The following KPNA1 variants were observed in gnomAD, a reference collection of about 807,000 sequenced individuals.
KPNA1 encodes the protein importin subunit alpha-5.
KPNA1 carries 10 observed loss-of-function variants against 70.5 expected under a neutral mutation model. That is an observed-to-expected ratio of 0.14 (90% CI 0.09 to 0.24). The LOEUF is 0.24. KPNA1 is among the 10% of genes least tolerant of loss of function. KPNA1 has a pLI of 1.00. For missense variants in KPNA1, 397 were observed against 637.9 expected, an observed-to-expected ratio of 0.62 and a Z score of 4.07; for synonymous variants, 192 against 221.9, an observed-to-expected ratio of 0.87 and a Z score of 1.20.
At chr3:122,435,875 T>C (rs1395534179) in intron 11 of KPNA1, among the ~76,000 whole-genome samples, 1 of 152,186 alleles carries the variant, frequency 6.6e-6, no homozygotes, top group Admixed American at 6.5e-5. Context: ...AAAGCATGTG[T>C]GTTTAAACAA....
At chr3:122,435,072 T>G (rs1261207461) in intron 11 of KPNA1, among the ~76,000 whole-genome samples, 1 of 152,216 alleles carries the variant, frequency 6.6e-6, no homozygotes, top group Non-Finnish European at 1.5e-5. Flanking sequence ...GAGGTGCTCT[T>G]GAGCAAATCA....
At chr3:122,457,842 G>A (rs1172047680) in intron 5 of KPNA1, 1 of 1,289,620 alleles carries the variant, frequency 7.8e-7, no homozygotes, top group South Asian at 1.2e-5. Flanking sequence ...GCAAATGCCA[G>A]GCTCACCTGG....
At chr3:122,501,124 G>T (rs2076824660) in intron 1 of KPNA1, among the ~76,000 whole-genome samples, 1 of 150,252 alleles carries the variant, frequency 6.7e-6, no homozygotes, top group Admixed American at 6.7e-5. Flanking sequence ...TGCCTCCCAG[G>T]TTCAAGTGAT....
intron 1 of KPNA1, among the ~76,000 whole-genome samples, chr3:122,506,400 A>AATCCAAAGCC (rs2076890821): frequency 6.6e-6 from 1 of 152,216 alleles, no homozygotes; most frequent in African/African-American, 2.4e-5. Context: ...GTTCATTTGA[A>AATCCAAAGCC]AATATAAATT....
chr3:122,450,329 C>G (rs2076185115), intron 8 of KPNA1, among the ~76,000 whole-genome samples: 1 of 152,172 alleles, frequency 6.6e-6, no homozygotes, highest in Non-Finnish European at 1.5e-5. Flanking sequence ...CGCCTGTAAT[C>G]CCAGCACTTT....
In KPNA1 at chr3:122,423,244, C is replaced by A. The variant is rs1266325888; in HGVS notation, c.*3741G>T. On this transcript the variant is annotated 3_prime_UTR_variant, in exon 14 of 14. Coordinates refer to ENST00000344337, the MANE Select transcript of KPNA1 (RefSeq NM_002264.4). ...AAGATAGACCAAAATATTTCCCAAC[C>A]TGGCAGATATATACTTAATCTGTTC... The A allele has an allele frequency of 6.6e-6, 1 of 152,098 alleles. No individual in the cohort carries two copies. The highest frequency in any genetic ancestry group is 2.1e-4 in the South Asian group (1 of 4,830). 9.4% of individuals were successfully genotyped at this position (152,098 alleles called of 1,614,324 possible). A position where few individuals can be genotyped will look rare whatever the true frequency, so the allele number is the denominator to read the frequency against.
intron 3 of KPNA1, 113 bp from the exon 4 acceptor site, chr3:122,464,154 T>C: frequency 2.0e-6 from 1 of 495,830 alleles, no homozygotes; most frequent in East Asian, 3.0e-5. Flanking sequence ...TCCCCAGAAG[T>C]TACATAAAGG....
chr3:122,513,839 A>C (rs1007157369), intron 1 of KPNA1, among the ~76,000 whole-genome samples: 2 of 152,190 alleles, frequency 1.3e-5, no homozygotes, highest in African/African-American at 4.8e-5. Flanking sequence ...CTGAGGCAAG[A>C]GGACAGTTTG....
At chr3:122,427,291 G>T in intron 13 of KPNA1, 119 bp from the exon 14 acceptor site, 1 of 813,662 alleles carries the variant, frequency 1.2e-6, no homozygotes. Context: ...TGTAAAGAAA[G>T]ATTATTTGTA....
At chr3:122,439,275 T>G (rs1393572742) in intron 10 of KPNA1, among the ~76,000 whole-genome samples, 1 of 152,146 alleles carries the variant, frequency 6.6e-6, no homozygotes, top group East Asian at 1.9e-4. Context: ...CTCAAACTCC[T>G]GGGTGCAAGC....
In KPNA1 at chr3:122,459,059, G is replaced by T. The variant is rs189030687; in HGVS notation, c.432+2165C>A. 9.0e-4 allele frequency among the ~76,000 whole-genome samples: 137 copies of T among 152,242 alleles called. 1 individual carries two copies. Among genetic ancestry groups the T allele is most frequent in the African/African-American group, 3.0e-3 (125 of 41,542 alleles). On this transcript the variant is annotated intron_variant, in intron 5 of 13. Coordinates refer to ENST00000344337, the MANE Select transcript of KPNA1 (RefSeq NM_002264.4). Reference sequence around the variant, plus strand: ...ATTAGTTTGCACAAGGGTGGAATCTGGGAGTTTACATAGAAGCAAATTAGA... The same window carrying T: ...ATTAGTTTGCACAAGGGTGGAATCTTGGAGTTTACATAGAAGCAAATTAGA...
chr3:122,451,915 G>A (rs2076206497), intron 7 of KPNA1, 61 bp downstream of exon 7: 2 of 997,660 alleles, frequency 2.0e-6, no homozygotes, highest in Admixed American at 2.3e-5. Context: ...GCTTTCTGAG[G>A]AATCTCTTAC....
At chr3:122,460,762 C>A in intron 5 of KPNA1, 1 of 722,592 alleles carries the variant, frequency 1.4e-6, no homozygotes, top group Non-Finnish European at 1.7e-6. Context: ...TACACAGATT[C>A]CTGACAAAGT....
chr3:122,440,591 TC>T (rs1363991830), intron 10 of KPNA1, among the ~76,000 whole-genome samples: 1 of 152,214 alleles, frequency 6.6e-6, no homozygotes, highest in African/African-American at 2.4e-5. Context: ...CCTTCTTGTA[TC>T]CCAGCCAACC....
intron 3 of KPNA1, 150 bp downstream of exon 3, chr3:122,467,172 C>T (rs1218306387): frequency 1.5e-5 from 6 of 396,174 alleles, no homozygotes; most frequent in Non-Finnish European, 2.7e-5. Context: ...ATATAATAAA[C>T]ATTTAATGAA....
At chr3:122,490,950 T>A (rs1032024913) in intron 2 of KPNA1, among the ~76,000 whole-genome samples, 5 of 152,230 alleles carry the variant, frequency 3.3e-5, no homozygotes, top group Non-Finnish European at 7.3e-5. Flanking sequence ...GTTTCATAAC[T>A]ACCAATTTTA....
intron 10 of KPNA1, 94 bp from the exon 11 acceptor site, chr3:122,437,389 C>A: frequency 1.1e-6 from 1 of 870,726 alleles, no homozygotes; most frequent in South Asian, 2.2e-5. Flanking sequence ...CATAACATCT[C>A]CCCTTGAAAT....
At chr3:122,437,803 G>A (rs1026216207) in intron 10 of KPNA1, among the ~76,000 whole-genome samples, 6 of 151,636 alleles carry the variant, frequency 4.0e-5, no homozygotes, top group African/African-American at 1.5e-4. Flanking sequence ...CATGAAGAAG[G>A]AGACCTACTC....
At chr3:122,480,644 T>C (rs886332377) in intron 2 of KPNA1, among the ~76,000 whole-genome samples, 12 of 151,860 alleles carry the variant, frequency 7.9e-5, no homozygotes, top group Non-Finnish European at 1.3e-4. Flanking sequence ...AATAATGTGG[T>C]ACAATTTTTT....
Sources: allele counts gnomAD v4.1 joint callset (sites outside exome capture counted in the v4.1 genomes callset), GRCh38; gene constraint gnomAD v4.1.1; transcripts MANE v1.5; gene names NCBI Gene and HGNC (gene_info 2026-07-23, HGNC 2026-07-21).